Variants in TRPC4 observed in about 807,000 individuals in gnomAD.
TRPC4 encodes the protein short transient receptor potential channel 4.
In TRPC4, 49 loss-of-function variants were observed where a neutral mutation model predicts 99.4. The ratio of observed to expected loss-of-function variants is 0.49; its 90% CI spans 0.39 to 0.63. TRPC4 has a LOEUF of 0.63. Among genes scored for constraint, TRPC4 ranks in the 20% least tolerant of loss-of-function variants. TRPC4 has a pLI of 0.00. For missense variants in TRPC4, 898 were observed against 1,152.9 expected (o/e 0.78, Z 3.20); for synonymous variants, 454 against 425.9 (o/e 1.07, Z -0.81).
intron 3 of TRPC4, among the ~76,000 whole-genome samples, chr13:37,697,606 G>C (rs1953951174): frequency 1.3e-5 from 2 of 152,156 alleles, no homozygotes; most frequent in Non-Finnish European, 2.9e-5. Flanking sequence ...CATATTTTGG[G>C]ATATGTATGA....
At chr13:37,869,300 G>A (rs1205021347) in intron 1 of TRPC4, among the ~76,000 whole-genome samples, 1 of 152,068 alleles carries the variant, frequency 6.6e-6, no homozygotes, top group Non-Finnish European at 1.5e-5. Flanking sequence ...TCACACCGGG[G>A]GTTCACTCCT....
At chr13:37,789,756 A>C (rs1348887169) in intron 1 of TRPC4, among the ~76,000 whole-genome samples, 1 of 152,072 alleles carries the variant, frequency 6.6e-6, no homozygotes. Flanking sequence ...GTATGAGGAA[A>C]TATAACTGTA....
intron 1 of TRPC4, among the ~76,000 whole-genome samples, chr13:37,842,353 AAAAAAAAAAAAAAAAAAGG>A (rs1206608778): frequency 7.0e-6 from 1 of 143,242 alleles, no homozygotes; most frequent in African/African-American, 2.6e-5. Context: ...CAAAAAAAAA[AAAAAAAAAAAAAAAAAAGG>A]AAAAGGAAAA....
intron 8 of TRPC4, among the ~76,000 whole-genome samples, chr13:37,650,893 G>C (rs1397025799): frequency 6.6e-6 from 1 of 152,130 alleles, no homozygotes; most frequent in African/African-American, 2.4e-5. Context: ...GATCCAGAGG[G>C]GGAAACAGAC....
chr13:37,719,596 T>C (rs1954797006), intron 3 of TRPC4, among the ~76,000 whole-genome samples: 1 of 152,158 alleles, frequency 6.6e-6, no homozygotes, highest in African/African-American at 2.4e-5. Context: ...AAGCAAAAAT[T>C]AAGACACTGT....
In TRPC4 at chr13:37,755,509, T is replaced by G. The variant is rs757027407; in HGVS notation, c.379-9054A>C. On this transcript the variant is annotated intron_variant, in intron 2 of 10. Transcript: ENST00000379705. ...CTGGTCTCAAACTCCTAGGCTCAAGTGATCCCACCTCCCCTCAGCCTCCCA... is the reference window on the plus strand; with the variant it reads ...CTGGTCTCAAACTCCTAGGCTCAAGGGATCCCACCTCCCCTCAGCCTCCCA... Among the ~76,000 whole-genome samples the G allele has an allele frequency of 8.3e-4, 126 of 151,938 alleles. 1 individual carries two copies. The highest frequency in any genetic ancestry group is 8.2e-4 in the Non-Finnish European group (56 of 67,922).
chr13:37,644,872 CAA>C (rs11446579), intron 8 of TRPC4, among the ~76,000 whole-genome samples: 3,864 of 81,350 alleles, frequency 0.047, 111 homozygotes, highest in African/African-American at 0.15. Context: ...GACTCCATCT[CAA>C]AAAAAAAAAA....
intron 8 of TRPC4, among the ~76,000 whole-genome samples, 180 bp downstream of exon 8, chr13:37,651,085 G>T (rs1218231632): frequency 6.6e-6 from 1 of 152,178 alleles, no homozygotes; most frequent in Non-Finnish European, 1.5e-5. Flanking sequence ...AAATTCACTT[G>T]TGAAGAAATC....
At chr13:37,709,888 A>C (rs1486893010) in intron 3 of TRPC4, among the ~76,000 whole-genome samples, 44 of 152,158 alleles carry the variant, frequency 2.9e-4, no homozygotes, top group Non-Finnish European at 1.3e-4. Flanking sequence ...GAATAGTAAC[A>C]GCAGAGAAAC....
Position 37,636,754 on chromosome 13 carries a change from T to G in TRPC4, c.*149A>C. The G allele has an allele frequency of 8.9e-7, 1 of 1,125,870 alleles. No homozygotes were observed. The highest frequency in any genetic ancestry group is 1.2e-6 in the Non-Finnish European group (1 of 839,224). 69.7% of individuals were successfully genotyped at this position (1,125,870 alleles called of 1,614,324 possible). ...AAAAGGTTTTTGATTGCCTTTGCCT[T>G]ATTTAAACATGTTACAGGTAATATG... On this transcript the variant is annotated 3_prime_UTR_variant, in exon 11 of 11. Coordinates refer to ENST00000379705, the MANE Select transcript of TRPC4 (RefSeq NM_016179.4).
At position 37,634,710 on chromosome 13, in the gene TRPC4, G is replaced by A. The variant is rs368465973; in HGVS notation, c.*2193C>T. On this transcript the variant is annotated 3_prime_UTR_variant, in exon 11 of 11. Transcript: ENST00000379705. Reference sequence around the variant, plus strand: ...GGAAAAAACAAAATAAAACAACAACGCACAAGAGAGGCAAAAAGAAATTAA... The same window carrying A: ...GGAAAAAACAAAATAAAACAACAACACACAAGAGAGGCAAAAAGAAATTAA... Among the ~76,000 whole-genome samples the A allele has an allele frequency of 2.0e-5, 3 of 151,940 alleles. No homozygotes were observed. The highest frequency in any genetic ancestry group is 7.2e-5 in the African/African-American group (3 of 41,396).
chr13:37,639,315 A>G lies in TRPC4; in HGVS notation c.2080-16T>C. 1.2e-6 allele frequency: 2 copies of G among 1,612,580 alleles called. No individual in the cohort carries two copies. The highest frequency in any genetic ancestry group is 8.5e-7 in the Non-Finnish European group (1 of 1,178,752). On this transcript the variant is annotated splice_polypyrimidine_tract_variant and intron_variant, in intron 8 of 10. Coordinates refer to ENST00000379705, the MANE Select transcript of TRPC4 (RefSeq NM_016179.4). ...CAGCTCGCCTCTGAAAAGGAAAAGG[A>G]CATTCCTTTCTGGTTATACTGTTAT... is the stretch of plus-strand genomic sequence containing the variant.
intron 3 of TRPC4, among the ~76,000 whole-genome samples, chr13:37,737,439 C>A (rs1407817152): frequency 6.6e-6 from 1 of 152,014 alleles, no homozygotes; most frequent in African/African-American, 2.4e-5. Flanking sequence ...GCACTATATC[C>A]AATTCATAGA....
chr13:37,786,442 C>T (rs1459788278), intron 1 of TRPC4, among the ~76,000 whole-genome samples: 1 of 151,744 alleles, frequency 6.6e-6, no homozygotes, highest in East Asian at 1.9e-4. Context: ...TCCTTGATTA[C>T]TTGAGATGCG....
chr13:37,844,062 C>A (rs927747893), intron 1 of TRPC4, among the ~76,000 whole-genome samples: 4 of 152,172 alleles, frequency 2.6e-5, no homozygotes, highest in Admixed American at 1.3e-4. Flanking sequence ...AATTTTGGAA[C>A]CCTTTCAGGA....
intron 1 of TRPC4, among the ~76,000 whole-genome samples, chr13:37,827,054 G>A (rs1034059135): frequency 6.6e-6 from 1 of 151,912 alleles, no homozygotes; most frequent in Non-Finnish European, 1.5e-5. Flanking sequence ...CTTTCTTCCA[G>A]TTGATCGCAT....
At chr13:37,639,435 C>A in intron 8 of TRPC4, 136 bp from the exon 9 acceptor site, 1 of 781,414 alleles carries the variant, frequency 1.3e-6, no homozygotes. Context: ...TGGACAATGG[C>A]TAAAGAGTGC....
chr13:37,842,010 C>T (rs1447893139), intron 1 of TRPC4, among the ~76,000 whole-genome samples: 1 of 151,976 alleles, frequency 6.6e-6, no homozygotes, highest in Non-Finnish European at 1.5e-5. Context: ...TGGCTCATGC[C>T]TGTAACCCCA....
At chr13:37,675,577 A>G (rs1216778739) in intron 4 of TRPC4, among the ~76,000 whole-genome samples, 1 of 152,156 alleles carries the variant, frequency 6.6e-6, no homozygotes, top group Non-Finnish European at 1.5e-5. Flanking sequence ...TGGGAGAGGC[A>G]CAGTGTCCTC....
Sources: gnomAD v4.1 joint callset for allele counts (sites outside exome capture counted in the v4.1 genomes callset) on GRCh38, gnomAD v4.1.1 for gene constraint, MANE v1.5 for transcripts, NCBI Gene and HGNC (gene_info 2026-07-23, HGNC 2026-07-21) for gene names.